The following MS4A13 variants were observed in gnomAD, a reference collection of about 807,000 sequenced individuals.
The protein encoded by MS4A13 is membrane-spanning 4-domains subfamily A member 13.
MS4A13 carries 21 observed loss-of-function variants against 18.4 expected under a neutral mutation model. That is an observed-to-expected ratio of 1.14 (90% CI 0.81 to 1.64). MS4A13 has a LOEUF of 1.64. Ranked by LOEUF, MS4A13 falls within the 40% of genes most tolerant of loss-of-function variation. The pLI, the probability that MS4A13 is intolerant of heterozygous loss-of-function variation, is 0.00. For synonymous variants in MS4A13, 62 were observed against 57.2 expected (o/e 1.08, Z -0.38); for missense variants, 173 against 176.8 (o/e 0.98, Z 0.12).
chr11:60,532,211 G>C (rs965058086), intron 6 of MS4A13, among the ~76,000 whole-genome samples: 1 of 152,232 alleles, frequency 6.6e-6, no homozygotes. Context: ...ACAGCTCCCA[G>C]CATGAGCGAC....
chr11:60,527,394 C>CTG (rs2086723640), intron 5 of MS4A13, among the ~76,000 whole-genome samples: 34 of 115,218 alleles, frequency 3.0e-4, no homozygotes, highest in African/African-American at 8.4e-4. Flanking sequence ...CTCTCTCTCT[C>CTG]TCTCTCTCTC....
At chr11:60,531,845 A>C (rs1394227191) in intron 6 of MS4A13, among the ~76,000 whole-genome samples, 1 of 152,060 alleles carries the variant, frequency 6.6e-6, no homozygotes, top group African/African-American at 2.4e-5. Context: ...CCTTATTATA[A>C]CTTCATTGCC....
intron 6 of MS4A13, among the ~76,000 whole-genome samples, chr11:60,533,643 C>A (rs2086789675): frequency 1.5e-5 from 1 of 66,092 alleles, no homozygotes. Context: ...CAAGGCAGGC[C>A]AACGTTCAGA....
intron 6 of MS4A13, among the ~76,000 whole-genome samples, chr11:60,538,177 T>TAAAAAA (rs1555025699): frequency 4.0e-5 from 3 of 75,118 alleles, no homozygotes; most frequent in African/African-American, 8.7e-5. Context: ...TAAAGTATAA[T>TAAAAAA]AAAAAAAAAA....
At chr11:60,540,885 G>T (rs2086851634) in intron 6 of MS4A13, among the ~76,000 whole-genome samples, 1 of 151,296 alleles carries the variant, frequency 6.6e-6, no homozygotes, top group Non-Finnish European at 1.5e-5. Context: ...AACCCAGGAG[G>T]TCAAGGCTGC....
chr11:60,518,711 T>A (rs1207985871), intron 3 of MS4A13, among the ~76,000 whole-genome samples: 1 of 152,302 alleles, frequency 6.6e-6, no homozygotes, highest in African/African-American at 2.4e-5. Context: ...TATATTATAT[T>A]TTGTTGTTTT....
intron 6 of MS4A13, among the ~76,000 whole-genome samples, chr11:60,539,453 A>T (rs2135272451): frequency 6.6e-6 from 1 of 152,152 alleles, no homozygotes; most frequent in East Asian, 1.9e-4. Context: ...GGAAAAAAAG[A>T]AAATGAAGAA....
chr11:60,538,623 T>C (rs1259049312), intron 6 of MS4A13, among the ~76,000 whole-genome samples: 1 of 151,866 alleles, frequency 6.6e-6, no homozygotes, highest in East Asian at 1.9e-4. Context: ...GAAATTTTTT[T>C]CCCTGAATTA....
chr11:60,523,918 C>A lies in MS4A13; in HGVS notation c.151C>A (p.Leu51Ile). 6.5e-7 allele frequency: 1 copy of A among 1,542,414 alleles called. No homozygotes were observed. The highest frequency in any genetic ancestry group is 1.1e-5 in the South Asian group (1 of 89,036). Residue 51 changes from leucine to isoleucine, a missense_variant, in exon 4 of 7, where the codon CTA (leucine) becomes ATA (isoleucine). Transcript: ENST00000378186. ...GIFFIIAGVF[L>I]IRVTKYPTRS... Reference sequence around the variant, plus strand: ...CCAGTTTATCATTGCAGGAGTCTTCCTAATAAGAGTAACAAAGTATCCGAC... The same window carrying A: ...CCAGTTTATCATTGCAGGAGTCTTCATAATAAGAGTAACAAAGTATCCGAC...
At position 60,524,576 on chromosome 11, in the gene MS4A13, T is replaced by G. The variant is rs188237682; in HGVS notation, c.186+623T>G. Among the ~76,000 whole-genome samples, 747 of 152,292 alleles carry G rather than the reference T, an allele frequency of 4.9e-3. 19 individuals carry two copies. The highest frequency in any genetic ancestry group is 6.5e-4 in the Non-Finnish European group (44 of 68,030). ...ACAAGCAGTCATTTTCCACTTTTTT[T>G]TTTTTCTTACAGTGGAACCACTTTT... On this transcript the variant is annotated intron_variant, in intron 4 of 6. Coordinates refer to ENST00000378186, the MANE Select transcript of MS4A13 (RefSeq NM_001012417.3).
At chr11:60,518,368 A>G (rs758927629) in intron 3 of MS4A13, among the ~76,000 whole-genome samples, 156 bp downstream of exon 3, 13 of 152,148 alleles carry the variant, frequency 8.5e-5, no homozygotes, top group Non-Finnish European at 1.6e-4. Context: ...TCCTTTTTTC[A>G]ACAAATATAT....
At chr11:60,527,410 C>CTCTCTCTG (rs1555024373) in intron 5 of MS4A13, among the ~76,000 whole-genome samples, 7 of 28,806 alleles carry the variant, frequency 2.4e-4, no homozygotes, top group African/African-American at 9.7e-4. Flanking sequence ...CTCTCTCTCT[C>CTCTCTCTG]TGTGTGTGTG....
chr11:60,539,413 CA>C (rs2086838528), intron 6 of MS4A13, among the ~76,000 whole-genome samples: 2 of 151,120 alleles, frequency 1.3e-5, no homozygotes, highest in African/African-American at 2.4e-5. Flanking sequence ...ATAAAGAGAG[CA>C]AAAAAGATAT....
rs1473985953 is a variant in MS4A13 at position 60,542,588 on chromosome 11, T to C, written c.*13T>C. On this transcript the variant is annotated 3_prime_UTR_variant, in exon 7 of 7. Coordinates refer to ENST00000378186, the MANE Select transcript of MS4A13 (RefSeq NM_001012417.3). ...GAGCACTCCTTAAAAACCCTAGAAA[T>C]ATGAGAATTTTGCTGTTGCTGATGC... 6.3e-7 allele frequency: 1 copy of C among 1,591,732 alleles called. No homozygotes were observed. The highest frequency in any genetic ancestry group is 8.6e-7 in the Non-Finnish European group (1 of 1,163,756).
intron 3 of MS4A13, 44 bp from the exon 4 acceptor site, chr11:60,523,853 C>A: frequency 9.2e-7 from 1 of 1,091,428 alleles, no homozygotes; most frequent in Non-Finnish European, 1.4e-6. Flanking sequence ...TCTAAATTGG[C>A]AAGCATTATC....
At chr11:60,538,701 T>C (rs1163717059) in intron 6 of MS4A13, among the ~76,000 whole-genome samples, 1 of 150,010 alleles carries the variant, frequency 6.7e-6, no homozygotes, top group Non-Finnish European at 1.5e-5. Context: ...AGATAATCCC[T>C]ATGACTTTCA....
intron 3 of MS4A13, among the ~76,000 whole-genome samples, chr11:60,519,089 C>T (rs547094763): frequency 6.6e-6 from 1 of 152,196 alleles, no homozygotes; most frequent in Admixed American, 6.5e-5. Context: ...TTTGTGTAGG[C>T]AAGAGGTGAT....
chr11:60,515,896 A>G (rs1212691653), intron 1 of MS4A13, 73 bp from the exon 2 acceptor site: 1 of 152,234 alleles, frequency 6.6e-6, no homozygotes, highest in Non-Finnish European at 1.5e-5. Flanking sequence ...GTGACTGAAC[A>G]ATAAGGAAAG....
At chr11:60,515,764 A>G (rs368279346) in intron 1 of MS4A13, 157 bp downstream of exon 1, 15 of 152,324 alleles carry the variant, frequency 9.8e-5, no homozygotes, top group East Asian at 7.7e-4. Context: ...TGTTTTAGTC[A>G]TAGAGAGAGA....
Sources: gnomAD v4.1 joint callset for allele counts (sites outside exome capture counted in the v4.1 genomes callset) on GRCh38, gnomAD v4.1.1 for gene constraint, MANE v1.5 for transcripts, NCBI Gene and HGNC (gene_info 2026-07-23, HGNC 2026-07-21) for gene names.